Variants in MAP2K5 observed in about 807,000 individuals in gnomAD.
The protein encoded by MAP2K5 is mitogen-activated protein kinase kinase 5, also known as dual specificity mitogen-activated protein kinase kinase 5.
In MAP2K5, 49 loss-of-function variants were observed where a neutral mutation model predicts 83.1. The observed-to-expected ratio is 0.59, with a 90% CI of 0.47 to 0.75. The LOEUF (loss-of-function observed/expected upper bound fraction) is 0.75, where lower values mean the gene tolerates loss of function less well. MAP2K5 is among the 30% of genes least tolerant of loss of function. The probability of loss-of-function intolerance (pLI) is 0.00; values close to 1 mark genes in which losing one functional copy is unlikely to be tolerated. For missense variants in MAP2K5, 457 were observed against 557.5 expected (o/e 0.82, Z 1.82); for synonymous variants, 202 against 191.8 (o/e 1.05, Z -0.44).
At position 67,587,015 on chromosome 15, in the gene MAP2K5, T is replaced by C; in HGVS notation, c.431+102T>C. 1 of 1,102,314 alleles carries C rather than the reference T, an allele frequency of 9.1e-7. No homozygotes were observed. The highest frequency in any genetic ancestry group is 1.4e-6 in the Non-Finnish European group (1 of 714,240). 68.3% of individuals were successfully genotyped at this position (1,102,314 alleles called of 1,614,324 possible). A position where few individuals can be genotyped will look rare whatever the true frequency, so the allele number is the denominator to read the frequency against. On this transcript the variant is annotated intron_variant, in intron 6 of 21. Coordinates refer to ENST00000178640, the MANE Select transcript of MAP2K5 (RefSeq NM_145160.3). This position sits in a 1 kb window ranked among gnomAD's most constrained non-coding sequence, Gnocchi z 4.8. ...AAGAAATTTGACCAGTTAGATAACC[T>C]AGCTACGTATTGACCAAAGAGAAAG...
At chr15:67,588,092 G>A (rs1238275867) in intron 6 of MAP2K5, 1 of 985,196 alleles carries the variant, frequency 1.0e-6, no homozygotes, top group African/African-American at 1.7e-5. Flanking sequence ...AACCTTCACT[G>A]CTCTTCATGC....
intron 9 of MAP2K5, among the ~76,000 whole-genome samples, chr15:67,635,812 G>A (rs1024775237): frequency 1.3e-5 from 2 of 152,112 alleles, no homozygotes; most frequent in African/African-American, 4.8e-5. Context: ...TTTCCAGTGA[G>A]AAGTTTACTG....
intron 8 of MAP2K5, among the ~76,000 whole-genome samples, chr15:67,622,300 T>A (rs1375684171): frequency 6.6e-6 from 1 of 151,436 alleles, no homozygotes; most frequent in Non-Finnish European, 1.5e-5. Context: ...CCCTCAGGAG[T>A]AGGTGCAAAG....
rs62016203 is a variant in MAP2K5, at chr15:67,668,204, A to G, written c.847+3559A>G. ...AATGTGGCATGTTTTTATTATAACC[A>G]TGAATTAATCACTTTATTCAGTTAA... is the stretch of plus-strand genomic sequence containing the variant. On this transcript the variant is annotated intron_variant, in intron 13 of 21. Coordinates refer to ENST00000178640, the MANE Select transcript of MAP2K5 (RefSeq NM_145160.3). The surrounding 1 kb of genome is among the most constrained non-coding windows in gnomAD (Gnocchi z 4.0). 0.022 allele frequency among the ~76,000 whole-genome samples: 3,372 copies of G among 152,268 alleles called. 56 individuals carry two copies. Among genetic ancestry groups the G allele is most frequent in the African/African-American group, 0.039 (1,627 of 41,560 alleles).
At chr15:67,805,707 C>T (rs958448158) in intron 21 of MAP2K5, among the ~76,000 whole-genome samples, 1 of 152,308 alleles carries the variant, frequency 6.6e-6, no homozygotes, top group South Asian at 2.1e-4. Flanking sequence ...TATGGCTCCC[C>T]GAGTCTCACC....
At chr15:67,603,274 CT>C (rs1297045649) in intron 8 of MAP2K5, among the ~76,000 whole-genome samples, 2 of 152,168 alleles carry the variant, frequency 1.3e-5, no homozygotes, top group African/African-American at 4.8e-5. Flanking sequence ...AGAAGCATGG[CT>C]AGAACTTCTC....
intron 3 of MAP2K5, among the ~76,000 whole-genome samples, chr15:67,569,604 C>T (rs1041287410): frequency 6.6e-6 from 1 of 152,112 alleles, no homozygotes; most frequent in African/African-American, 2.4e-5. Flanking sequence ...CCCCTTTTAG[C>T]CCCTGTTGTG....
chr15:67,593,024 G>A lies in MAP2K5; in HGVS notation c.480+50G>A, dbSNP rs372893864. ...TTTCACATAATAATAACATATTACC[G>A]TCCAGTTTTTGTATCCATAAGCTTA... On this transcript the variant is annotated intron_variant, in intron 7 of 21. Transcript: ENST00000178640. The A allele has an allele frequency of 1.7e-4, 210 of 1,239,286 alleles. 2 individuals are homozygous for A. Among genetic ancestry groups the A allele is most frequent in the African/African-American group, 6.3e-4 (41 of 65,364 alleles). The allele number at this position is 1,239,286 out of a possible 1,614,324, so 76.8% of individuals were successfully genotyped here.
chr15:67,620,122 G>A (rs181624425), intron 8 of MAP2K5, among the ~76,000 whole-genome samples: 147 of 152,200 alleles, frequency 9.7e-4, no homozygotes, highest in African/African-American at 2.9e-3. Flanking sequence ...CTGTAATCCC[G>A]CACTTTGGGA....
intron 19 of MAP2K5, among the ~76,000 whole-genome samples, chr15:67,761,800 T>C (rs999242580): frequency 6.6e-6 from 1 of 152,212 alleles, no homozygotes; most frequent in African/African-American, 2.4e-5. Flanking sequence ...CCTAGATTTT[T>C]CTGTTTTGTT....
At chr15:67,732,274 A>G (rs1247709849) in intron 17 of MAP2K5, among the ~76,000 whole-genome samples, 2 of 152,214 alleles carry the variant, frequency 1.3e-5, no homozygotes, top group Non-Finnish European at 2.9e-5. Flanking sequence ...ACCATAATTT[A>G]GGAGAAATGA....
intron 6 of MAP2K5, chr15:67,588,107 A>G (rs2085325633): frequency 2.0e-6 from 2 of 985,248 alleles, no homozygotes; most frequent in Non-Finnish European, 2.4e-6. Flanking sequence ...TCATGCTTTC[A>G]AGATGAAGTG....
At chr15:67,624,842 G>A (rs2141074697) in intron 8 of MAP2K5, among the ~76,000 whole-genome samples, 1 of 152,226 alleles carries the variant, frequency 6.6e-6, no homozygotes, top group East Asian at 1.9e-4. Flanking sequence ...TGTTGGCCAG[G>A]CTGGTCTTGA....
chr15:67,588,825 A>G (rs1488492845), intron 6 of MAP2K5, among the ~76,000 whole-genome samples: 1 of 151,930 alleles, frequency 6.6e-6, no homozygotes, highest in African/African-American at 2.4e-5. Flanking sequence ...TTATTTTATT[A>G]CTTTTTTAGA....
At chr15:67,703,249 C>A (rs2088466710) in intron 15 of MAP2K5, 88 bp from the exon 16 acceptor site, 1 of 898,184 alleles carries the variant, frequency 1.1e-6, no homozygotes, top group Non-Finnish European at 1.8e-6. Context: ...ATGTTGGTGG[C>A]TCCTCACCTT....
In MAP2K5 at chr15:67,559,836, T is replaced by C. The variant is rs8034388; in HGVS notation, c.185-3447T>C. Among the ~76,000 whole-genome samples the C allele has an allele frequency of 1, 152,084 of 152,308 alleles. 75,930 individuals are homozygous for C. Among genetic ancestry groups the C allele is most frequent in the Non-Finnish European group, 1 (68,044 of 68,044 alleles). Reference sequence around the variant, plus strand: ...CTTTTGTTGGTCATATCCGGTAACGTTTTTTTGGTCAGATGGCAAAGAACC... The same window carrying C: ...CTTTTGTTGGTCATATCCGGTAACGCTTTTTTGGTCAGATGGCAAAGAACC... On this transcript the variant is annotated intron_variant, in intron 2 of 21. Coordinates refer to ENST00000178640, the MANE Select transcript of MAP2K5 (RefSeq NM_145160.3). This position sits in a 1 kb window ranked among gnomAD's most constrained non-coding sequence, Gnocchi z 4.7.
chr15:67,641,082 T>G (rs1269212467), intron 9 of MAP2K5, among the ~76,000 whole-genome samples: 1 of 152,218 alleles, frequency 6.6e-6, no homozygotes, highest in Non-Finnish European at 1.5e-5. Flanking sequence ...AAACAGAACC[T>G]TTTTATACCA....
chr15:67,703,575 T>C (rs2088473920), intron 16 of MAP2K5, among the ~76,000 whole-genome samples, 167 bp downstream of exon 16: 1 of 152,228 alleles, frequency 6.6e-6, no homozygotes, highest in African/African-American at 2.4e-5. Context: ...GCTTGTGAAC[T>C]GACTCTGGAG....
chr15:67,627,247 C>T (rs897947068), intron 8 of MAP2K5, among the ~76,000 whole-genome samples: 16 of 152,154 alleles, frequency 1.1e-4, no homozygotes, highest in African/African-American at 3.9e-4. Context: ...CTGTGCCCAA[C>T]CTGATTAAAG....
Sources: allele counts gnomAD v4.1 joint callset (sites outside exome capture counted in the v4.1 genomes callset), GRCh38; gene constraint gnomAD v4.1.1; non-coding constraint Gnocchi (gnomAD v3.1); transcripts MANE v1.5; gene names NCBI Gene and HGNC (gene_info 2026-07-23, HGNC 2026-07-21).